The following VDAC1 variants were observed in gnomAD, a reference collection of about 807,000 sequenced individuals.
VDAC1 encodes the protein non-selective voltage-gated ion channel VDAC1.
A neutral mutation model predicts 34.7 loss-of-function variants in VDAC1; 10 were observed. The ratio of observed to expected loss-of-function variants is 0.29; its 90% CI spans 0.18 to 0.49. The LOEUF is 0.49. Among genes scored for constraint, VDAC1 ranks in the 20% least tolerant of loss-of-function variants. VDAC1 has a pLI of 0.99. For synonymous variants in VDAC1, 130 were observed against 136.0 expected (o/e 0.96, Z 0.30); for missense variants, 230 against 347.9 (o/e 0.66, Z 2.69).
chr5:134,062,849 A>T, the VDAC1 span, among the ~76,000 whole-genome samples: 1 of 151,576 alleles, frequency 6.6e-6, no homozygotes, highest in Non-Finnish European at 1.5e-5. Flanking sequence ...CTGGTCTCGA[A>T]GCCCTGACCT....
the VDAC1 span, among the ~76,000 whole-genome samples, chr5:134,078,924 T>TA: frequency 1.2e-4 from 18 of 152,082 alleles, no homozygotes; most frequent in East Asian, 3.5e-3. Flanking sequence ...GTGCTGGGAT[T>TA]ACAGGCGTGA....
the VDAC1 span, among the ~76,000 whole-genome samples, chr5:134,016,632 C>T: frequency 2.6e-5 from 4 of 152,260 alleles, no homozygotes; most frequent in East Asian, 1.9e-4. Context: ...CCTCTGCTAA[C>T]GGGCACCACT....
chr5:134,021,876 A>ATT, the VDAC1 span, among the ~76,000 whole-genome samples: 11,902 of 133,136 alleles, frequency 0.089, 760 homozygotes, highest in Non-Finnish European at 0.12. Context: ...AAAGCCTGTG[A>ATT]TTTTTTTTTT....
the VDAC1 span, among the ~76,000 whole-genome samples, chr5:134,021,023 C>G: frequency 1.3e-5 from 2 of 149,802 alleles, no homozygotes; most frequent in Non-Finnish European, 3.0e-5. Context: ...AAAAAAATAG[C>G]CAGGCACAGT....
intron 3 of VDAC1, among the ~76,000 whole-genome samples, chr5:133,992,006 G>A (rs951943142): frequency 2.0e-5 from 3 of 152,166 alleles, no homozygotes; most frequent in African/African-American, 4.8e-5. Flanking sequence ...GGAGGCCAAG[G>A]TGGGCGGATC....
the VDAC1 span, among the ~76,000 whole-genome samples, chr5:134,045,741 T>C: frequency 0.026 from 3,965 of 152,108 alleles, 157 homozygotes; most frequent in African/African-American, 0.088. Flanking sequence ...AATGGTGCGA[T>C]CCTGGCTCAC....
At chr5:134,099,273 G>A in the VDAC1 span, among the ~76,000 whole-genome samples, 53 of 152,276 alleles carry the variant, frequency 3.5e-4, no homozygotes, top group Admixed American at 2.7e-3. Context: ...GGGTGGCTCC[G>A]GCTTACCCTC....
At chr5:134,020,495 G>A in the VDAC1 span, among the ~76,000 whole-genome samples, 1 of 152,002 alleles carries the variant, frequency 6.6e-6, no homozygotes, top group Non-Finnish European at 1.5e-5. Context: ...ACTTAAATCT[G>A]AAGAGGGAGA....
the VDAC1 span, among the ~76,000 whole-genome samples, chr5:134,045,366 T>C: frequency 2.6e-5 from 4 of 152,142 alleles, no homozygotes; most frequent in African/African-American, 9.7e-5. Flanking sequence ...AACAGCAAAA[T>C]GTCTTCTATT....
chr5:134,045,841 C>A, the VDAC1 span, among the ~76,000 whole-genome samples: 14 of 151,800 alleles, frequency 9.2e-5, no homozygotes, highest in Non-Finnish European at 4.4e-5. Flanking sequence ...CACACCACCA[C>A]GCCTGGCTAA....
At chr5:134,065,789 A>ATTTTTTT in the VDAC1 span, among the ~76,000 whole-genome samples, 10 of 99,838 alleles carry the variant, frequency 1.0e-4, no homozygotes, top group African/African-American at 2.1e-4. Context: ...CAGATAGTAA[A>ATTTTTTT]TTTTTTTTTT....
the VDAC1 span, among the ~76,000 whole-genome samples, chr5:134,042,463 T>A: frequency 2.0e-5 from 3 of 152,070 alleles, no homozygotes; most frequent in Non-Finnish European, 4.4e-5. Flanking sequence ...CAAAGGCCCA[T>A]TCAGTACTGG....
At chr5:134,092,483 G>A in the VDAC1 span, among the ~76,000 whole-genome samples, 8 of 152,026 alleles carry the variant, frequency 5.3e-5, no homozygotes, top group Admixed American at 3.3e-4. Context: ...CTCATGTGCC[G>A]TTGAATCCTG....
intron 6 of VDAC1, among the ~76,000 whole-genome samples, chr5:133,979,664 G>C (rs544960394): frequency 6.6e-6 from 1 of 151,964 alleles, no homozygotes. Context: ...TTCTGACCTC[G>C]TGATCCACCC....
At chr5:134,057,493 T>TATATC in the VDAC1 span, among the ~76,000 whole-genome samples, 2 of 134,522 alleles carry the variant, frequency 1.5e-5, no homozygotes, top group African/African-American at 2.8e-5. Context: ...AAAAAAAAAT[T>TATATC]TATATCTATA....
Position 133,978,586 on chromosome 5 carries a change from T to C in VDAC1, c.551+2143A>G, listed in dbSNP as rs576074186. Among the ~76,000 whole-genome samples the C allele has an allele frequency of 9.8e-5, 15 of 152,352 alleles. No homozygotes were observed. The East Asian group carries it at 2.3e-3, about 23-fold the overall frequency. Reference sequence around the variant, plus strand: ...AAACAGCAGCCTGTCAAAAATAAGATTTTTGAATGACTTTAGTAATATATT... The same window carrying C: ...AAACAGCAGCCTGTCAAAAATAAGACTTTTGAATGACTTTAGTAATATATT... On this transcript the variant is annotated intron_variant, in intron 6 of 8. Transcript: ENST00000265333.
chr5:134,047,144 C>A, the VDAC1 span, among the ~76,000 whole-genome samples: 3 of 152,154 alleles, frequency 2.0e-5, no homozygotes, highest in Non-Finnish European at 2.9e-5. Flanking sequence ...AGGGGGGTCA[C>A]TTTCCTGGAA....
the VDAC1 span, among the ~76,000 whole-genome samples, chr5:134,076,296 C>G: frequency 6.6e-6 from 1 of 152,194 alleles, no homozygotes; most frequent in East Asian, 1.9e-4. Flanking sequence ...ACCTTGATAA[C>G]TCCTATGCAC....
chr5:133,986,403 T>A (rs368144391), intron 5 of VDAC1, among the ~76,000 whole-genome samples: 1 of 151,880 alleles, frequency 6.6e-6, no homozygotes. Context: ...ATTTTAGTTT[T>A]GTTTTTTTTT....
Sources: gnomAD v4.1 joint callset for allele counts (sites outside exome capture counted in the v4.1 genomes callset) on GRCh38, gnomAD v4.1.1 for gene constraint, MANE v1.5 for transcripts, NCBI Gene and HGNC (gene_info 2026-07-23, HGNC 2026-07-21) for gene names.